The following THSD7B variants were observed in gnomAD, a reference collection of about 807,000 sequenced individuals.
The protein encoded by THSD7B is thrombospondin type-1 domain-containing protein 7B.
In THSD7B, 138 loss-of-function variants were observed where a neutral mutation model predicts 213.6. The observed-to-expected ratio is 0.65, with a 90% CI of 0.56 to 0.74. THSD7B has a LOEUF of 0.74. Among genes scored for constraint, THSD7B ranks in the 30% least tolerant of loss-of-function variants. The pLI is 0.00. For missense variants in THSD7B, 1,931 were observed against 1,991.5 expected (o/e 0.97, Z 0.58); for synonymous variants, 742 against 687.0 (o/e 1.08, Z -1.25).
At chr2:136,980,739 C>G (rs939519254) in intron 2 of THSD7B, among the ~76,000 whole-genome samples, 3 of 152,160 alleles carry the variant, frequency 2.0e-5, no homozygotes, top group Non-Finnish European at 4.4e-5. Flanking sequence ...CCTTGGGAAC[C>G]AAGGCCCTGG....
intron 1 of THSD7B, among the ~76,000 whole-genome samples, chr2:136,822,617 T>A (rs911203308): frequency 6.6e-6 from 1 of 152,240 alleles, no homozygotes; most frequent in Non-Finnish European, 1.5e-5. Context: ...CTTTCTGTAA[T>A]TAATTCCAAG....
intron 1 of THSD7B, among the ~76,000 whole-genome samples, chr2:136,879,104 G>A (rs1683572999): frequency 6.6e-6 from 1 of 152,262 alleles, no homozygotes; most frequent in Admixed American, 6.5e-5. Flanking sequence ...TAAGGTGTAA[G>A]GAAGGGATCC....
chr2:137,549,310 C>CTTTT (rs1027305359), intron 15 of THSD7B, among the ~76,000 whole-genome samples: 12 of 25,200 alleles, frequency 4.8e-4, no homozygotes, highest in East Asian at 8.9e-4. Context: ...TTCAGATGCT[C>CTTTT]TTTTTTTTTT....
chr2:136,950,281 A>G (rs1352037218), intron 2 of THSD7B, among the ~76,000 whole-genome samples: 3 of 152,110 alleles, frequency 2.0e-5, no homozygotes. Context: ...AAAAATAAAA[A>G]TAAATAAAAA....
Position 137,645,218 on chromosome 2 carries a change from G to C in THSD7B, c.3945+2585G>C, listed in dbSNP as rs897993615. Among the ~76,000 whole-genome samples, 7 of 152,176 alleles carry C rather than the reference G, an allele frequency of 4.6e-5. No homozygotes were observed. The East Asian group carries it at 1.3e-3, about 29-fold the overall frequency. ...GTACTTTGCATAGTAATAGACATAA[G>C]TTAAGAGCTCAATAGTTATAGTTAG... On this transcript the variant is annotated intron_variant, in intron 21 of 27. Coordinates refer to ENST00000409968, the MANE Select transcript of THSD7B (RefSeq NM_001316349.2).
At chr2:137,313,124 A>T (rs1683963331) in intron 12 of THSD7B, among the ~76,000 whole-genome samples, 1 of 152,062 alleles carries the variant, frequency 6.6e-6, no homozygotes, top group Admixed American at 6.5e-5. Context: ...GTCTCCCATT[A>T]TTAATATGTG....
In THSD7B at chr2:137,331,797, C is replaced by T. The variant is rs1165157689; in HGVS notation, c.2500+55771C>T. 3.9e-5 allele frequency among the ~76,000 whole-genome samples: 6 copies of T among 152,168 alleles called. No homozygotes were observed. The East Asian group carries it at 5.8e-4, about 15-fold the overall frequency. On this transcript the variant is annotated intron_variant, in intron 12 of 27. Transcript: ENST00000409968. ...TCGGTGAGAAATCGAGCGCAGCGCT[C>T]GTGGGCTGGTACTGCTGGGGGACCC... is the stretch of plus-strand genomic sequence containing the variant.
intron 5 of THSD7B, among the ~76,000 whole-genome samples, chr2:137,134,441 C>T (rs971396756): frequency 6.6e-6 from 1 of 152,150 alleles, no homozygotes; most frequent in African/African-American, 2.4e-5. Flanking sequence ...AAGGGGTACT[C>T]TGTGCACAAG....
intron 2 of THSD7B, among the ~76,000 whole-genome samples, chr2:136,956,568 T>C (rs1426974989): frequency 6.7e-6 from 1 of 149,540 alleles, no homozygotes; most frequent in Admixed American, 6.6e-5. Flanking sequence ...CTCATGCTAC[T>C]GCCACTCTGG....
intron 20 of THSD7B, among the ~76,000 whole-genome samples, chr2:137,629,309 T>C (rs1682695298): frequency 6.6e-6 from 1 of 152,198 alleles, no homozygotes; most frequent in Admixed American, 6.5e-5. Context: ...ATTATTTTTG[T>C]CTGAAAGTCC....
intron 2 of THSD7B, among the ~76,000 whole-genome samples, chr2:136,993,733 C>T (rs1490982613): frequency 6.6e-6 from 1 of 152,174 alleles, no homozygotes; most frequent in Non-Finnish European, 1.5e-5. Context: ...CATTTGCTGA[C>T]CAGCTACAAC....
chr2:136,794,541 G>A (rs893210389), intron 1 of THSD7B, among the ~76,000 whole-genome samples: 11 of 151,642 alleles, frequency 7.3e-5, no homozygotes, highest in East Asian at 1.9e-4. Flanking sequence ...AATCAATTCC[G>A]CTGGGGGCAG....
chr2:137,517,543 C>A (rs1005984495), intron 15 of THSD7B, among the ~76,000 whole-genome samples: 13 of 152,240 alleles, frequency 8.5e-5, no homozygotes, highest in African/African-American at 3.1e-4. Flanking sequence ...GTCTAGTGGG[C>A]CTATTTGAAT....
chr2:137,026,146 G>A (rs61034681), intron 2 of THSD7B, among the ~76,000 whole-genome samples: 10,943 of 152,176 alleles, frequency 0.072, 427 homozygotes, highest in East Asian at 0.15. Flanking sequence ...GATGTACATG[G>A]CAATTCCTAT....
intron 15 of THSD7B, among the ~76,000 whole-genome samples, chr2:137,490,405 T>G (rs1412164318): frequency 1.3e-5 from 2 of 152,208 alleles, no homozygotes; most frequent in Non-Finnish European, 2.9e-5. Flanking sequence ...AATATTTTCA[T>G]AGGGTGCAGC....
chr2:137,022,903 A>C (rs1159370472), intron 2 of THSD7B, among the ~76,000 whole-genome samples: 1 of 152,190 alleles, frequency 6.6e-6, no homozygotes, highest in African/African-American at 2.4e-5. Flanking sequence ...AGATAATACA[A>C]TATTTAAATG....
rs143739609 is a variant in THSD7B, at chr2:137,346,190, C to T, written c.2501-59423C>T. ...GTGTCCATTGTTGTGCAACAGATCT[C>T]TAGAACAGTTTAATCTTGCAAAACA... On this transcript the variant is annotated intron_variant, in intron 12 of 27. Transcript: ENST00000409968. Among the ~76,000 whole-genome samples the T allele has an allele frequency of 5.4e-3, 814 of 151,720 alleles. 5 individuals carry two copies. The highest frequency in any genetic ancestry group is 0.01 in the Middle Eastern group (3 of 294).
At chr2:137,333,994 A>G (rs1226550193) in intron 12 of THSD7B, among the ~76,000 whole-genome samples, 2 of 152,178 alleles carry the variant, frequency 1.3e-5, no homozygotes, top group Admixed American at 1.3e-4. Flanking sequence ...GGTCTCAGAA[A>G]CCATATGGTT....
chr2:137,140,352 G>A (rs1377424150), intron 5 of THSD7B, among the ~76,000 whole-genome samples: 2 of 152,008 alleles, frequency 1.3e-5, no homozygotes, highest in East Asian at 1.9e-4. Context: ...TATAACAAAC[G>A]AAGTATACAG....
Sources: allele counts gnomAD v4.1 joint callset (sites outside exome capture counted in the v4.1 genomes callset), GRCh38; gene constraint gnomAD v4.1.1; transcripts MANE v1.5; gene names NCBI Gene and HGNC (gene_info 2026-07-23, HGNC 2026-07-21).